Variants in SEMA5A observed in about 807,000 individuals in gnomAD.
The protein encoded by SEMA5A is semaphorin 5A, also known as semaphorin-5A.
SEMA5A carries 55 observed loss-of-function variants against 135.5 expected under a neutral mutation model. The ratio of observed to expected loss-of-function variants is 0.41; its 90% CI spans 0.33 to 0.51. SEMA5A has a LOEUF of 0.51. Ranked by LOEUF, SEMA5A falls within the 20% of genes least tolerant of loss-of-function variation. SEMA5A has a pLI of 0.37. For synonymous variants in SEMA5A, 580 were observed against 546.5 expected (o/e 1.06, Z -0.85); for missense variants, 1,290 against 1,419.9 (o/e 0.91, Z 1.47).
intron 20 of SEMA5A, 129 bp from the exon 21 acceptor site, chr5:9,050,586 T>C: frequency 1.2e-6 from 1 of 804,140 alleles, no homozygotes; most frequent in Non-Finnish European, 1.8e-6. Flanking sequence ...GCTTGATTAA[T>C]TATCAGAAAA....
At chr5:9,083,156 C>A (rs1738482019) in intron 16 of SEMA5A, among the ~76,000 whole-genome samples, 1 of 152,178 alleles carries the variant, frequency 6.6e-6, no homozygotes. Context: ...TGTGACATTT[C>A]ATTTCATTGT....
intron 2 of SEMA5A, among the ~76,000 whole-genome samples, chr5:9,407,554 A>G (rs1756935391): frequency 6.6e-6 from 1 of 152,210 alleles, no homozygotes; most frequent in Admixed American, 6.5e-5. Context: ...CAAACCTCCA[A>G]GGGAAGTGTA....
chr5:9,473,563 C>G (rs1343044290), intron 1 of SEMA5A, among the ~76,000 whole-genome samples: 1 of 149,066 alleles, frequency 6.7e-6, no homozygotes, highest in African/African-American at 2.5e-5. Context: ...ACCTAGGGCT[C>G]AATATATTCA....
At chr5:9,338,944 T>A (rs1301105378) in intron 3 of SEMA5A, among the ~76,000 whole-genome samples, 1 of 152,174 alleles carries the variant, frequency 6.6e-6, no homozygotes. Context: ...TTTTCTCTAC[T>A]AACAGTTACG....
intron 1 of SEMA5A, among the ~76,000 whole-genome samples, chr5:9,475,443 G>A (rs1759635135): frequency 6.6e-6 from 1 of 152,184 alleles, no homozygotes; most frequent in African/African-American, 2.4e-5. Context: ...AAGTAGTGGA[G>A]GCTCTGTGAA....
At chr5:9,452,677 A>T (rs1480369022) in intron 1 of SEMA5A, among the ~76,000 whole-genome samples, 1 of 152,220 alleles carries the variant, frequency 6.6e-6, no homozygotes, top group Non-Finnish European at 1.5e-5. Flanking sequence ...CCAAAACAAA[A>T]TTTTAAAAGA....
chr5:9,276,977 T>C, intron 5 of SEMA5A, among the ~76,000 whole-genome samples: 1 of 152,018 alleles, frequency 6.6e-6, no homozygotes, highest in East Asian at 1.9e-4. Flanking sequence ...CTAATTAAAC[T>C]AAAGAGCTTC....
Position 9,099,689 on chromosome 5 carries a change from G to A in SEMA5A, c.2073+8451C>T, listed in dbSNP as rs1412777753. Among the ~76,000 whole-genome samples the A allele has an allele frequency of 2.6e-5, 4 of 152,168 alleles. No individual in the cohort carries two copies. In the East Asian group the frequency reaches 7.7e-4, roughly 29 times the overall value. On this transcript the variant is annotated intron_variant, in intron 16 of 22. Coordinates refer to ENST00000382496, the MANE Select transcript of SEMA5A (RefSeq NM_003966.3). ...AAGGGTAGCTTCCACAAAGGGGAGG[G>A]GAAATACAAAGCAGTTAGAATGATT...
At chr5:9,170,606 T>C (rs1378219330) in intron 11 of SEMA5A, among the ~76,000 whole-genome samples, 1 of 151,988 alleles carries the variant, frequency 6.6e-6, no homozygotes, top group Non-Finnish European at 1.5e-5. Flanking sequence ...CATGCCCTTA[T>C]AAAATAGGTC....
At position 9,283,981 on chromosome 5, in the gene SEMA5A, A is replaced by AATAG. The variant is rs112263303; in HGVS notation, c.270+34387_270+34390dup. Among the ~76,000 whole-genome samples the AATAG allele has an allele frequency of 2.1e-3, 320 of 152,210 alleles. 2 individuals carry two copies. Among genetic ancestry groups the AATAG allele is most frequent in the East Asian group, 0.012 (61 of 5,180 alleles). On this transcript the variant is annotated intron_variant, in intron 5 of 22. Coordinates refer to ENST00000382496, the MANE Select transcript of SEMA5A (RefSeq NM_003966.3). Reference sequence around the variant, plus strand: ...CATGTGATACATGGTCTTACTAAAAAATAGATAGATAGATAGATAGATAAC... The same window carrying AATAG: ...CATGTGATACATGGTCTTACTAAAAAATAGATAGATAGATAGATAGATAGATAAC...
intron 8 of SEMA5A, among the ~76,000 whole-genome samples, chr5:9,212,948 C>A (rs531786976): frequency 6.6e-6 from 1 of 152,320 alleles, no homozygotes; most frequent in South Asian, 2.1e-4. Flanking sequence ...ACCAACATTT[C>A]TTTCTCACAG....
chr5:9,113,714 A>G (rs921545610), intron 15 of SEMA5A, among the ~76,000 whole-genome samples: 1 of 152,244 alleles, frequency 6.6e-6, no homozygotes, highest in African/African-American at 2.4e-5. Flanking sequence ...CAACAATATT[A>G]GTCACTAAGG....
Position 9,461,136 on chromosome 5 carries a change from T to C in SEMA5A, c.-174-23284A>G, listed in dbSNP as rs117946870. ...GCTTTTCTCAAACATACACTTAGCA[T>C]AGAGATTTCCTAGCATGGAAATGAT... On this transcript the variant is annotated intron_variant, in intron 1 of 22. Coordinates refer to ENST00000382496, the MANE Select transcript of SEMA5A (RefSeq NM_003966.3). Among the ~76,000 whole-genome samples the C allele has an allele frequency of 1.6e-4, 25 of 152,298 alleles. 1 individual carries two copies. The East Asian group carries it at 4.8e-3, about 29-fold the overall frequency.
intron 8 of SEMA5A, among the ~76,000 whole-genome samples, chr5:9,205,307 G>T (rs1374202563): frequency 6.6e-6 from 1 of 151,958 alleles, no homozygotes; most frequent in Non-Finnish European, 1.5e-5. Flanking sequence ...AGTTATCATG[G>T]AAGTCAGGAA....
chr5:9,360,827 T>C (rs1754658185), intron 3 of SEMA5A, among the ~76,000 whole-genome samples: 1 of 152,232 alleles, frequency 6.6e-6, no homozygotes, highest in Non-Finnish European at 1.5e-5. Flanking sequence ...ATAATTTTCT[T>C]TATCAGTCTG....
At chr5:9,251,673 T>C (rs943901059) in intron 5 of SEMA5A, among the ~76,000 whole-genome samples, 3 of 152,184 alleles carry the variant, frequency 2.0e-5, no homozygotes, top group Non-Finnish European at 1.5e-5. Context: ...GTAACTATAA[T>C]AGAGGAGCAA....
At chr5:9,340,721 A>C (rs972735760) in intron 3 of SEMA5A, among the ~76,000 whole-genome samples, 1 of 152,230 alleles carries the variant, frequency 6.6e-6, no homozygotes, top group Non-Finnish European at 1.5e-5. Flanking sequence ...AACATAGATC[A>C]AAGTTGAGTA....
intron 1 of SEMA5A, among the ~76,000 whole-genome samples, chr5:9,530,538 T>C (rs903695383): frequency 5.9e-5 from 9 of 152,218 alleles, no homozygotes; most frequent in African/African-American, 2.2e-4. Flanking sequence ...GGTGCTTCTC[T>C]TTCAGGTTTA....
At chr5:9,244,463 C>A (rs28180) in intron 5 of SEMA5A, among the ~76,000 whole-genome samples, 28,736 of 152,120 alleles carry the variant, frequency 0.19, 2,965 homozygotes, top group African/African-American at 0.29. Context: ...AGATGCCCAC[C>A]TAGATAATGG....
Sources: gnomAD v4.1 joint callset for allele counts (sites outside exome capture counted in the v4.1 genomes callset) on GRCh38, gnomAD v4.1.1 for gene constraint, MANE v1.5 for transcripts, NCBI Gene and HGNC (gene_info 2026-07-23, HGNC 2026-07-21) for gene names.